Variants in DNAH7 observed in about 807,000 individuals in gnomAD.
The protein encoded by DNAH7 is axonemal beta dynein heavy chain 7.
Under a neutral mutation model 444.6 loss-of-function variants are expected in DNAH7, and 397 were observed. The ratio of observed to expected loss-of-function variants is 0.89; its 90% CI spans 0.82 to 0.97. The LOEUF (loss-of-function observed/expected upper bound fraction) is 0.97. Ranked by LOEUF, DNAH7 falls within the 50% of genes least tolerant of loss-of-function variation. The pLI, the probability that DNAH7 is intolerant of heterozygous loss-of-function variation, is 0.00. For synonymous variants in DNAH7, 1,636 were observed against 1,624.4 expected (o/e 1.01, Z -0.17); for missense variants, 4,902 against 4,800.8 (o/e 1.02, Z -0.62).
intron 40 of DNAH7, among the ~76,000 whole-genome samples, chr2:195,870,451 C>T (rs575746245): frequency 7.2e-5 from 11 of 152,220 alleles, no homozygotes; most frequent in Non-Finnish European, 1.6e-4. Flanking sequence ...ATATCAAGGG[C>T]AAAGTTACTG....
rs536098824 is a variant in DNAH7, at chr2:196,018,406, A to T, written c.869+764T>A. Among the ~76,000 whole-genome samples the T allele has an allele frequency of 1.1e-3, 166 of 152,272 alleles. 1 individual carries two copies. Among genetic ancestry groups the T allele is most frequent in the Admixed American group, 4.0e-3 (61 of 15,302 alleles). ...AACATAAATATGCTATGATCTAGTT[A>T]TCCCACTTTTGTGAATCTATCCCAT... On this transcript the variant is annotated intron_variant, in intron 9 of 64. Transcript: ENST00000312428.
chr2:195,861,144 T>C (rs1699992683), intron 42 of DNAH7, among the ~76,000 whole-genome samples: 1 of 152,168 alleles, frequency 6.6e-6, no homozygotes, highest in Admixed American at 6.5e-5. Context: ...CTTCCTACTT[T>C]CTACCTTAAT....
At position 195,779,045 on chromosome 2, in the gene DNAH7, G is replaced by A. The variant is rs555732002; in HGVS notation, c.10879-1060C>T. ...TTTTTAGTAGAGACGGGGTTTCACC[G>A]TGTTAGCCAGGATGATCTCGATCTC... On this transcript the variant is annotated intron_variant, in intron 58 of 64. Coordinates refer to ENST00000312428, the MANE Select transcript of DNAH7 (RefSeq NM_018897.3). Among the ~76,000 whole-genome samples, 19 of 152,002 alleles carry A rather than the reference G, an allele frequency of 1.2e-4. No individual in the cohort carries two copies. The South Asian group carries it at 1.7e-3, about 13-fold the overall frequency.
At chr2:195,739,349 G>C (rs1230789198) in intron 64 of DNAH7, among the ~76,000 whole-genome samples, 1 of 152,058 alleles carries the variant, frequency 6.6e-6, no homozygotes, top group Non-Finnish European at 1.5e-5. Context: ...GCTCTGAAGG[G>C]GTTTTTAACC....
intron 17 of DNAH7, among the ~76,000 whole-genome samples, chr2:195,965,644 CTTG>C (rs536959634): frequency 1.7e-3 from 253 of 152,078 alleles, no homozygotes; most frequent in African/African-American, 5.7e-3. Context: ...AATCTTCTTA[CTTG>C]TTGTTGGTCT....
At chr2:195,763,757 C>A (rs1254165252) in intron 61 of DNAH7, among the ~76,000 whole-genome samples, 1 of 151,778 alleles carries the variant, frequency 6.6e-6, no homozygotes, top group Non-Finnish European at 1.5e-5. Flanking sequence ...CAAAGAAAAG[C>A]CCAGGACCTG....
rs75169283 is a variant in DNAH7, at chr2:195,771,296, C to G, written c.11433+364G>C. 8.4e-3 allele frequency among the ~76,000 whole-genome samples: 1,278 copies of G among 152,212 alleles called. 23 individuals carry two copies. Among genetic ancestry groups the G allele is most frequent in the African/African-American group, 0.028 (1,160 of 41,534 alleles). On this transcript the variant is annotated intron_variant, in intron 61 of 64. Coordinates refer to ENST00000312428, the MANE Select transcript of DNAH7 (RefSeq NM_018897.3). ...TCATGGCAGCAGTGAGCGGTAATCACATGACTATACTCCAGTCTGGGTGAC... is the reference window on the plus strand; with the variant it reads ...TCATGGCAGCAGTGAGCGGTAATCAGATGACTATACTCCAGTCTGGGTGAC...
intron 19 of DNAH7, among the ~76,000 whole-genome samples, chr2:195,944,789 T>G (rs548602595): frequency 6.6e-6 from 1 of 152,250 alleles, no homozygotes; most frequent in African/African-American, 2.4e-5. Flanking sequence ...TTTCTTAGTT[T>G]TCTGACCACA....
chr2:195,881,680 G>T, intron 36 of DNAH7, 115 bp downstream of exon 36: 1 of 1,089,096 alleles, frequency 9.2e-7, no homozygotes, highest in African/African-American at 1.6e-5. Flanking sequence ...AAAATTCTCT[G>T]CAGTTCAAAC....
chr2:195,947,695 G>A (rs571446525), intron 19 of DNAH7, among the ~76,000 whole-genome samples: 30 of 152,146 alleles, frequency 2.0e-4, no homozygotes, highest in African/African-American at 7.0e-4. Flanking sequence ...GTCTATCATT[G>A]ATGGACATTT....
In DNAH7 at chr2:196,022,950, T is replaced by C. The variant is rs552220890; in HGVS notation, c.743+1479A>G. Among the ~76,000 whole-genome samples, 36 of 152,294 alleles carry C rather than the reference T, an allele frequency of 2.4e-4. 1 individual carries two copies. The highest frequency in any genetic ancestry group is 8.2e-4 in the African/African-American group (34 of 41,554). ...CAGGTATATTTGTTACATGGGTATA[T>C]TGTGTGATGCTGAGGTTTGGGGAAC... On this transcript the variant is annotated intron_variant, in intron 8 of 64. Transcript: ENST00000312428.
intron 54 of DNAH7, among the ~76,000 whole-genome samples, chr2:195,806,065 A>G (rs1213739362): frequency 4.6e-5 from 7 of 151,806 alleles, no homozygotes; most frequent in African/African-American, 1.7e-4. Flanking sequence ...ATAATGGACA[A>G]CTAGGATATT....
chr2:195,940,725 A>G (rs998439169), intron 19 of DNAH7, among the ~76,000 whole-genome samples: 2 of 152,202 alleles, frequency 1.3e-5, no homozygotes, highest in Non-Finnish European at 2.9e-5. Flanking sequence ...ATAAACACAC[A>G]CTTCTCAAAA....
chr2:195,812,961 A>C (rs544653944), intron 51 of DNAH7, among the ~76,000 whole-genome samples: 76 of 152,356 alleles, frequency 5.0e-4, no homozygotes, highest in African/African-American at 1.7e-3. Context: ...AAAAAAGATT[A>C]AATAGGACTG....
Position 195,895,529 on chromosome 2 carries a change from T to A in DNAH7, c.4648-305A>T, listed in dbSNP as rs568322193. On this transcript the variant is annotated intron_variant, in intron 29 of 64. Transcript: ENST00000312428. Reference sequence around the variant, plus strand: ...ATCATGGCTCACTGCAGCCTCCGCCTCCCAGGCTCAAGCCATCCCCCACGT... The same window carrying A: ...ATCATGGCTCACTGCAGCCTCCGCCACCCAGGCTCAAGCCATCCCCCACGT... Among the ~76,000 whole-genome samples the A allele has an allele frequency of 8.5e-5, 13 of 152,290 alleles. No individual in the cohort carries two copies. In the East Asian group the frequency reaches 2.3e-3, roughly 27 times the overall value.
chr2:195,847,896 C>G (rs1699104911), intron 46 of DNAH7, among the ~76,000 whole-genome samples: 2 of 152,160 alleles, frequency 1.3e-5, no homozygotes, highest in South Asian at 4.1e-4. Context: ...TGAGACTCTA[C>G]CTGGGGGACA....
At chr2:195,909,708 G>T (rs184888265) in intron 25 of DNAH7, among the ~76,000 whole-genome samples, 28 of 152,268 alleles carry the variant, frequency 1.8e-4, no homozygotes, top group South Asian at 4.2e-4. Context: ...GGTTAAAGAT[G>T]TCTTTAGAAT....
chr2:195,780,775 AATAT>A (rs1695331857), intron 58 of DNAH7, among the ~76,000 whole-genome samples: 1 of 151,726 alleles, frequency 6.6e-6, no homozygotes, highest in African/African-American at 2.4e-5. Flanking sequence ...TATCTCAAAA[AATAT>A]ATATATTTTT....
intron 9 of DNAH7, among the ~76,000 whole-genome samples, chr2:196,016,790 A>C: frequency 6.6e-6 from 1 of 152,174 alleles, no homozygotes; most frequent in East Asian, 1.9e-4. Context: ...AGCTTCCTAG[A>C]AAGGCATTGG....
Sources: allele counts gnomAD v4.1 joint callset (sites outside exome capture counted in the v4.1 genomes callset), GRCh38; gene constraint gnomAD v4.1.1; transcripts MANE v1.5; gene names NCBI Gene and HGNC (gene_info 2026-07-23, HGNC 2026-07-21).